RIMS2: variants seen among roughly 807,000 people sequenced by gnomAD.
The protein encoded by RIMS2 is regulating synaptic membrane exocytosis protein 2.
RIMS2 carries 59 observed loss-of-function variants against 174.4 expected under a neutral mutation model. The observed-to-expected ratio is 0.34, with a 90% CI of 0.27 to 0.42. The LOEUF (loss-of-function observed/expected upper bound fraction) is 0.42. Among genes scored for constraint, RIMS2 ranks in the 10% least tolerant of loss-of-function variants. The pLI, the probability that RIMS2 is intolerant of heterozygous loss-of-function variation, is 1.00. For synonymous variants in RIMS2, 606 were observed against 572.5 expected (o/e 1.06, Z -0.84); for missense variants, 1,620 against 1,666.3 (o/e 0.97, Z 0.48).
chr8:103,722,482 T>C (rs999212653), intron 2 of RIMS2, among the ~76,000 whole-genome samples: 17 of 152,132 alleles, frequency 1.1e-4, no homozygotes, highest in African/African-American at 3.4e-4. Flanking sequence ...TAGATTCTTA[T>C]AAGCAGCACG....
chr8:103,582,263 C>T (rs1377611914), intron 1 of RIMS2, among the ~76,000 whole-genome samples: 1 of 152,146 alleles, frequency 6.6e-6, no homozygotes, highest in South Asian at 2.1e-4. Flanking sequence ...AGGCCTTGAG[C>T]ACTGAATAAC....
At chr8:104,135,613 CAAAAAA>C (rs35163912) in intron 19 of RIMS2, among the ~76,000 whole-genome samples, 2 of 79,688 alleles carry the variant, frequency 2.5e-5, no homozygotes, top group African/African-American at 9.3e-5. Flanking sequence ...CTCCCAACCT[CAAAAAA>C]AAAAAAAAAA....
intron 3 of RIMS2, among the ~76,000 whole-genome samples, chr8:103,875,410 G>T (rs566343567): frequency 6.6e-6 from 1 of 152,034 alleles, no homozygotes; most frequent in South Asian, 2.1e-4. Context: ...ATGGCCTCCA[G>T]TTCCATCGAA....
intron 19 of RIMS2, among the ~76,000 whole-genome samples, chr8:104,203,554 A>G (rs1257255280): frequency 8.3e-6 from 1 of 121,048 alleles, no homozygotes; most frequent in Non-Finnish European, 1.6e-5. Flanking sequence ...CCCAGGCTGG[A>G]GTTCAGTGGC....
At chr8:103,843,726 A>G (rs2098953396) in intron 3 of RIMS2, among the ~76,000 whole-genome samples, 2 of 152,222 alleles carry the variant, frequency 1.3e-5, no homozygotes, top group Non-Finnish European at 2.9e-5. Context: ...TTTCTCTTAT[A>G]GGAATGAGTT....
At chr8:103,804,088 A>G (rs987797428) in intron 3 of RIMS2, among the ~76,000 whole-genome samples, 2 of 152,212 alleles carry the variant, frequency 1.3e-5, no homozygotes, top group African/African-American at 4.8e-5. Flanking sequence ...GCAATGGCAA[A>G]CTAGTACAGC....
chr8:103,542,583 A>T (rs1269155686), intron 1 of RIMS2, among the ~76,000 whole-genome samples: 1 of 152,232 alleles, frequency 6.6e-6, no homozygotes, highest in African/African-American at 2.4e-5. Context: ...ATAAATTCAC[A>T]GGCCAATATT....
At chr8:104,149,330 A>G (rs967315332) in intron 19 of RIMS2, among the ~76,000 whole-genome samples, 14 of 152,242 alleles carry the variant, frequency 9.2e-5, no homozygotes, top group African/African-American at 2.9e-4. Context: ...ACCAGTAGTT[A>G]TCAATTTTCT....
At chr8:103,530,485 A>G (rs901654088) in intron 1 of RIMS2, among the ~76,000 whole-genome samples, 3 of 152,150 alleles carry the variant, frequency 2.0e-5, no homozygotes, top group Non-Finnish European at 4.4e-5. Flanking sequence ...ATCCAACTGT[A>G]TGCTATTTAT....
intron 9 of RIMS2, 178 bp downstream of exon 12, chr8:103,918,665 T>C (rs1005007887): frequency 8.7e-6 from 5 of 574,430 alleles, no homozygotes; most frequent in Non-Finnish European, 1.6e-5. Flanking sequence ...AAAACAAAAA[T>C]GTAGAATATT....
chr8:103,560,334 G>A (rs377555494), intron 1 of RIMS2, among the ~76,000 whole-genome samples: 2 of 152,100 alleles, frequency 1.3e-5, no homozygotes, highest in South Asian at 2.1e-4. Context: ...CCAAGATTGC[G>A]CCATTGCACT....
intron 2 of RIMS2, among the ~76,000 whole-genome samples, chr8:103,739,055 T>C (rs2097724827): frequency 1.3e-5 from 2 of 152,218 alleles, no homozygotes; most frequent in Admixed American, 6.5e-5. Flanking sequence ...TTATAAATCA[T>C]GCGGCTATAA....
At chr8:103,629,946 A>G (rs2095871799) in intron 1 of RIMS2, among the ~76,000 whole-genome samples, 1 of 152,072 alleles carries the variant, frequency 6.6e-6, no homozygotes. Context: ...AATACCTAAC[A>G]TATGTGTCCT....
chr8:103,797,444 A>C (rs1248540083), intron 3 of RIMS2, among the ~76,000 whole-genome samples: 17 of 152,198 alleles, frequency 1.1e-4, no homozygotes, highest in Admixed American at 1.1e-3. Flanking sequence ...AATGAATTGA[A>C]CTAAATCACT....
intron 3 of RIMS2, among the ~76,000 whole-genome samples, chr8:103,868,765 G>GAT (rs1367036548): frequency 6.6e-6 from 1 of 152,018 alleles, no homozygotes. Flanking sequence ...ATGTTCACTT[G>GAT]ATATAATTCA....
chr8:103,980,297 C>T (rs561420773), intron 16 of RIMS2, among the ~76,000 whole-genome samples: 1 of 152,072 alleles, frequency 6.6e-6, no homozygotes. Context: ...CGTTCTAGGC[C>T]CTAGCTCTGG....
At chr8:103,637,430 T>C (rs2096114408) in intron 1 of RIMS2, among the ~76,000 whole-genome samples, 1 of 152,242 alleles carries the variant, frequency 6.6e-6, no homozygotes, top group African/African-American at 2.4e-5. Context: ...TGATTTGGAA[T>C]GTGTTCTATT....
At chr8:103,752,574 G>A (rs1431167819) in intron 2 of RIMS2, among the ~76,000 whole-genome samples, 6 of 152,148 alleles carry the variant, frequency 3.9e-5, no homozygotes, top group African/African-American at 7.2e-5. Flanking sequence ...AGCATGGAAT[G>A]TTCTTCCATT....
intron 1 of RIMS2, 109 bp from the exon 2 acceptor site, chr8:103,652,092 GTCTT>G (rs1564163988): frequency 5.3e-6 from 2 of 379,870 alleles, no homozygotes; most frequent in African/African-American, 4.3e-5. Flanking sequence ...AAAGCACTAA[GTCTT>G]TCTATATAAA....
Sources: gnomAD v4.1 joint callset for allele counts (sites outside exome capture counted in the v4.1 genomes callset) on GRCh38, gnomAD v4.1.1 for gene constraint, MANE v1.5 for transcripts, NCBI Gene and HGNC (gene_info 2026-07-23, HGNC 2026-07-21) for gene names.